The following RCBTB2 variants were observed in gnomAD, a reference collection of about 807,000 sequenced individuals.
RCBTB2 encodes the protein RCC1 and BTB domain containing protein 2, also known as RCC1 and BTB domain-containing protein 2.
In RCBTB2, 55 loss-of-function variants were observed where a neutral mutation model predicts 65.4. The observed-to-expected ratio is 0.84, with a 90% CI of 0.68 to 1.05. The LOEUF is 1.05. Ranked by LOEUF, RCBTB2 falls within the 50% of genes least tolerant of loss-of-function variation. The pLI is 0.00. For missense variants in RCBTB2, 599 were observed against 680.1 expected (o/e 0.88, Z 1.33); for synonymous variants, 220 against 255.2 (o/e 0.86, Z 1.31).
chr13:48,531,143 A>G (rs1952094746), intron 1 of RCBTB2, among the ~76,000 whole-genome samples: 1 of 152,196 alleles, frequency 6.6e-6, no homozygotes, highest in Non-Finnish European at 1.5e-5. Flanking sequence ...TCTTTGCTAG[A>G]ATGTAAGCTC....
intron 14 of RCBTB2, 53 bp downstream of exon 14, chr13:48,496,138 A>T: frequency 7.1e-7 from 1 of 1,404,650 alleles, no homozygotes; most frequent in Non-Finnish European, 9.3e-7. Context: ...CGAGGCAGAC[A>T]CCTGGGTTCC....
At chr13:48,533,253 GCCCCTCCCCTTTCTCGCAGACGC>G (rs1482777952), upstream of RCBTB2, 8 of 301,154 alleles carry the variant, frequency 2.7e-5, no homozygotes, top group Non-Finnish European at 4.6e-5. Context: ...GCCCACCGCC[GCCCCTCCCCTTTCTCGCAGACGC>G]CCCCTCCCCT....
intron 10 of RCBTB2, among the ~76,000 whole-genome samples, chr13:48,506,184 G>A (rs991017282): frequency 1.3e-5 from 2 of 152,242 alleles, no homozygotes; most frequent in Non-Finnish European, 2.9e-5. Context: ...AGCTGGAGAC[G>A]GCAGGATGGC....
At chr13:48,505,131 G>A (rs868533115) in intron 10 of RCBTB2, among the ~76,000 whole-genome samples, 3 of 149,684 alleles carry the variant, frequency 2.0e-5, no homozygotes, top group Non-Finnish European at 3.0e-5. Context: ...ACTAGGCTGC[G>A]TGACTAGCAC....
chr13:48,506,050 G>A (rs1049438446), intron 10 of RCBTB2, among the ~76,000 whole-genome samples: 2 of 152,188 alleles, frequency 1.3e-5, no homozygotes, highest in Non-Finnish European at 2.9e-5. Context: ...AAATACCTGG[G>A]GGCTCCTCAG....
At chr13:48,499,142 A>ACACACACACACACACACTCT (rs1366425462) in intron 13 of RCBTB2, among the ~76,000 whole-genome samples, 11 of 132,380 alleles carry the variant, frequency 8.3e-5, no homozygotes, top group African/African-American at 2.3e-4. Flanking sequence ...ACACACACAC[A>ACACACACACACACACACTCT]CTCTCTCTCT....
At chr13:48,520,424 C>G (rs1292160822) in intron 4 of RCBTB2, among the ~76,000 whole-genome samples, 1 of 152,156 alleles carries the variant, frequency 6.6e-6, no homozygotes, top group Non-Finnish European at 1.5e-5. Context: ...AATATGGTGT[C>G]CCTAGAATTC....
chr13:48,510,538 G>A, intron 10 of RCBTB2, 91 bp downstream of exon 10: 1 of 1,388,950 alleles, frequency 7.2e-7, no homozygotes, highest in Admixed American at 1.9e-5. Context: ...AACACTAGCA[G>A]TACATTCCCC....
chr13:48,532,617 C>T (rs1182722617), intron 1 of RCBTB2: 1 of 200,678 alleles, frequency 5.0e-6, no homozygotes, highest in Non-Finnish European at 1.0e-5. Flanking sequence ...GAGCGGCCTC[C>T]GAGCAGATGA....
intron 14 of RCBTB2, among the ~76,000 whole-genome samples, chr13:48,494,407 C>G (rs985309271): frequency 2.0e-5 from 3 of 152,150 alleles, no homozygotes; most frequent in African/African-American, 7.2e-5. Flanking sequence ...CAGCAATTAG[C>G]TGGACAGGCT....
At chr13:48,516,625 T>C (rs1951106713) in intron 4 of RCBTB2, among the ~76,000 whole-genome samples, 1 of 152,196 alleles carries the variant, frequency 6.6e-6, no homozygotes, top group Non-Finnish European at 1.5e-5. Context: ...TGACCTCATC[T>C]TAACTAACCA....
intron 13 of RCBTB2, 108 bp downstream of exon 13, chr13:48,499,513 A>T: frequency 8.6e-7 from 1 of 1,164,742 alleles, no homozygotes; most frequent in Non-Finnish European, 1.2e-6. Flanking sequence ...ACACAAAAAG[A>T]AATACTTCTG....
rs114658019 is a variant in RCBTB2, at chr13:48,509,123, G to A, written c.926+1506C>T. Among the ~76,000 whole-genome samples, 940 of 152,214 alleles carry A rather than the reference G, an allele frequency of 6.2e-3. 11 individuals carry two copies. Among genetic ancestry groups the A allele is most frequent in the African/African-American group, 0.022 (898 of 41,538 alleles). ...AGATAAGAGGATCACTTGAGCCCAG[G>A]AGCTACCAGCCTGGGCAATGTGGCA... On this transcript the variant is annotated intron_variant, in intron 10 of 14. Transcript: ENST00000344532.
At chr13:48,514,619 C>G (rs963183176) in intron 6 of RCBTB2, among the ~76,000 whole-genome samples, 8 of 152,260 alleles carry the variant, frequency 5.3e-5, no homozygotes, top group African/African-American at 1.9e-4. Context: ...CCTTAAGGCA[C>G]TTGCCATCCA....
At chr13:48,533,607 G>T (rs1304563455), upstream of RCBTB2, among the ~76,000 whole-genome samples, 2 of 152,188 alleles carry the variant, frequency 1.3e-5, no homozygotes, top group African/African-American at 4.8e-5. Context: ...ATGAGGATGT[G>T]TGCTGGGGGG....
chr13:48,499,694 T>A lies in RCBTB2; in HGVS notation c.1311A>T (p.Ser437=). The A allele has an allele frequency of 6.2e-7, 1 of 1,614,164 alleles. No individual in the cohort carries two copies. The highest frequency in any genetic ancestry group is 8.5e-7 in the Non-Finnish European group (1 of 1,180,024). Residue 437 remains serine (S), a synonymous_variant, in exon 13 of 15, where the codon TCA becomes TCT. Transcript: ENST00000344532. The part of the protein sequence containing the change: ...EDDIVEMSEF[S]YPVYRAFLEY... ...CCAGGAAGGCCCGGTAAACAGGATA[T>A]GAAAATTCACTCATTTCTACAATAT... is the stretch of plus-strand genomic sequence containing the variant.
chr13:48,532,249 TC>T (rs1952174577), intron 1 of RCBTB2: 1 of 152,218 alleles, frequency 6.6e-6, no homozygotes, highest in African/African-American at 2.4e-5. Flanking sequence ...AACCTCTATT[TC>T]CAGGGCTGAG....
Position 48,515,192 on chromosome 13 carries a change from G to T in RCBTB2, c.349+13C>A. 1 of 1,609,636 alleles carries T rather than the reference G, an allele frequency of 6.2e-7. No homozygotes were observed. Among genetic ancestry groups the T allele is most frequent in the Non-Finnish European group, 8.5e-7 (1 of 1,178,118 alleles). On this transcript the variant is annotated intron_variant, in intron 6 of 14. Transcript: ENST00000344532. ...GAATAAAGCTGAAATTCTACATGGG[G>T]TTCCTAGGTTACCTGTTGTTGCAAG...
At position 48,515,231 on chromosome 13, in the gene RCBTB2, C is replaced by T. The variant is rs1204953400; in HGVS notation, c.323G>A (p.Gly108Asp). ...KKIACLSYGS[G>D]PHIVLATTEG... ...TGTTGTTGCAAGGACAATATGTGGA[C>T]CACTCCCATAGCTGAGGCAGGCTAT... Residue 108 changes from glycine to aspartate, a missense_variant, in exon 6 of 15, where the codon GGT (glycine) becomes GAT (aspartate). Coordinates refer to ENST00000344532, the MANE Select transcript of RCBTB2 (RefSeq NM_001268.4). 3 of 1,614,056 alleles carry T rather than the reference C, an allele frequency of 1.9e-6. No homozygotes were observed. Among genetic ancestry groups the T allele is most frequent in the Admixed American group, 3.3e-5 (2 of 60,010 alleles).
Sources: allele counts gnomAD v4.1 joint callset (sites outside exome capture counted in the v4.1 genomes callset), GRCh38; gene constraint gnomAD v4.1.1; transcripts MANE v1.5; gene names NCBI Gene and HGNC (gene_info 2026-07-23, HGNC 2026-07-21).